The following ST8SIA2 variants were observed in gnomAD, a reference collection of about 807,000 sequenced individuals.
ST8SIA2 encodes alpha-2,8-sialyltransferase 8B.
Under a neutral mutation model 37.6 loss-of-function variants are expected in ST8SIA2, and 22 were observed. The observed-to-expected ratio is 0.58, with a 90% CI of 0.42 to 0.83. The LOEUF (loss-of-function observed/expected upper bound fraction) is 0.83, where lower values mean the gene tolerates loss of function less well. Among genes scored for constraint, ST8SIA2 ranks in the 40% least tolerant of loss-of-function variants. ST8SIA2 has a pLI of 0.00. For missense variants in ST8SIA2, 382 were observed against 484.7 expected (o/e 0.79, Z 1.99); for synonymous variants, 205 against 201.2 (o/e 1.02, Z -0.16).
At chr15:92,461,047 G>A (rs1368066935) in intron 5 of ST8SIA2, among the ~76,000 whole-genome samples, 2 of 152,168 alleles carry the variant, frequency 1.3e-5, no homozygotes, top group African/African-American at 4.8e-5. Flanking sequence ...AGAGAAAGGG[G>A]CATGAAATGG....
chr15:92,403,571 A>T, intron 1 of ST8SIA2, among the ~76,000 whole-genome samples: 1 of 152,162 alleles, frequency 6.6e-6, no homozygotes, highest in East Asian at 1.9e-4. Flanking sequence ...GAGCTTCCCC[A>T]GTTCTAATTT....
chr15:92,443,370 G>A lies in ST8SIA2; in HGVS notation c.549-1266G>A, dbSNP rs184340315. Among the ~76,000 whole-genome samples the A allele has an allele frequency of 3.9e-5, 6 of 152,242 alleles. No homozygotes were observed. In the East Asian group the frequency reaches 7.7e-4, roughly 20 times the overall value. On this transcript the variant is annotated intron_variant, in intron 4 of 5. Coordinates refer to ENST00000268164, the MANE Select transcript of ST8SIA2 (RefSeq NM_006011.4). The stretch of plus-strand genomic sequence containing the variant: ...AAACCCAGGTGTGCACACCCAGGCC[G>A]GGTCTCCCACAAGGAAGTCATCAGG...
chr15:92,453,522 GT>G (rs2049898096), intron 5 of ST8SIA2, among the ~76,000 whole-genome samples: 1 of 152,238 alleles, frequency 6.6e-6, no homozygotes, highest in Non-Finnish European at 1.5e-5. Context: ...CCAACCATCA[GT>G]GGGTGTGTGG....
chr15:92,405,319 C>G (rs2049499976), intron 1 of ST8SIA2, among the ~76,000 whole-genome samples: 1 of 152,134 alleles, frequency 6.6e-6, no homozygotes, highest in South Asian at 2.1e-4. Flanking sequence ...TTGCCAGGGT[C>G]TGGGGAAGGA....
intron 2 of ST8SIA2, 78 bp from the exon 3 acceptor site, chr15:92,434,169 C>T (rs1333441953): frequency 1.2e-6 from 2 of 1,602,570 alleles, no homozygotes; most frequent in East Asian, 4.5e-5. Context: ...CAAGCCCGTG[C>T]AAAAACAAAA....
chr15:92,462,141 G>T (rs2049961862), intron 5 of ST8SIA2, among the ~76,000 whole-genome samples: 1 of 152,190 alleles, frequency 6.6e-6, no homozygotes, highest in African/African-American at 2.4e-5. Context: ...GGAGAATCGT[G>T]TTCACTCCGA....
At chr15:92,460,592 G>T (rs935506368) in intron 5 of ST8SIA2, among the ~76,000 whole-genome samples, 1 of 152,184 alleles carries the variant, frequency 6.6e-6, no homozygotes, top group African/African-American at 2.4e-5. Context: ...AGATGCTGCC[G>T]AGGTGGTCTA....
At chr15:92,418,005 CAG>C (rs1242243352) in intron 1 of ST8SIA2, among the ~76,000 whole-genome samples, 5 of 152,236 alleles carry the variant, frequency 3.3e-5, no homozygotes, top group Admixed American at 2.0e-4. Flanking sequence ...GGGCAGGACG[CAG>C]GGGGCCACTT....
intron 1 of ST8SIA2, among the ~76,000 whole-genome samples, chr15:92,394,514 G>C (rs1337313843): frequency 6.6e-6 from 1 of 152,122 alleles, no homozygotes; most frequent in Non-Finnish European, 1.5e-5. Context: ...GCGGGCGGAG[G>C]GGCCGAGAGT....
intron 5 of ST8SIA2, among the ~76,000 whole-genome samples, chr15:92,459,607 T>G (rs2049943625): frequency 6.6e-6 from 1 of 152,144 alleles, no homozygotes; most frequent in Non-Finnish European, 1.5e-5. Context: ...TGTTGTTTTG[T>G]TTTGTTTTTG....
chr15:92,461,952 C>T (rs926002022), intron 5 of ST8SIA2, among the ~76,000 whole-genome samples: 1 of 152,214 alleles, frequency 6.6e-6, no homozygotes, highest in Non-Finnish European at 1.5e-5. Context: ...TTGCCCTGTT[C>T]TGTGTCTGCC....
intron 5 of ST8SIA2, among the ~76,000 whole-genome samples, chr15:92,448,417 G>A (rs1699773849): frequency 1.3e-5 from 2 of 152,210 alleles, no homozygotes; most frequent in Non-Finnish European, 2.9e-5. Flanking sequence ...GGAATGGGCT[G>A]GGGAGGGATG....
intron 1 of ST8SIA2, among the ~76,000 whole-genome samples, chr15:92,408,677 T>TTTAA (rs1555451198): frequency 1.6e-5 from 2 of 123,080 alleles, no homozygotes; most frequent in African/African-American, 3.4e-5. Flanking sequence ...GTTCCATTTT[T>TTTAA]TTTATTTATT....
intron 1 of ST8SIA2, among the ~76,000 whole-genome samples, chr15:92,409,888 C>G (rs2049537067): frequency 6.6e-6 from 1 of 152,230 alleles, no homozygotes; most frequent in Non-Finnish European, 1.5e-5. Context: ...CTTACAAGCC[C>G]TGTGCTGAGT....
At chr15:92,446,389 T>C (rs953127212) in intron 5 of ST8SIA2, among the ~76,000 whole-genome samples, 1 of 152,224 alleles carries the variant, frequency 6.6e-6, no homozygotes. Context: ...GACCACATAG[T>C]GTCACTTCTA....
At chr15:92,452,344 C>T (rs1441916621) in intron 5 of ST8SIA2, among the ~76,000 whole-genome samples, 9 of 116,896 alleles carry the variant, frequency 7.7e-5, no homozygotes, top group South Asian at 7.6e-4. Context: ...GCATGCACAG[C>T]GTTATGTTTG....
At chr15:92,435,060 A>G (rs915438078) in intron 3 of ST8SIA2, among the ~76,000 whole-genome samples, 16 of 152,240 alleles carry the variant, frequency 1.1e-4, no homozygotes, top group African/African-American at 3.1e-4. Context: ...AGATATAGCC[A>G]TGATTGACCC....
rs2049989838 is a variant in ST8SIA2, at chr15:92,466,082, T to C, written c.*1697T>C. The C allele has an allele frequency of 6.6e-6, 1 of 152,192 alleles. No homozygotes were observed. Among genetic ancestry groups the C allele is most frequent in the Non-Finnish European group, 1.5e-5 (1 of 68,054 alleles). 9.4% of individuals were successfully genotyped at this position (152,192 alleles called of 1,614,324 possible). On this transcript the variant is annotated 3_prime_UTR_variant, in exon 6 of 6. Coordinates refer to ENST00000268164, the MANE Select transcript of ST8SIA2 (RefSeq NM_006011.4). ...GAACAGGACCTTGGCTCTAAATTAA[T>C]GGTTGACCGGAAGGGATTGGAGGCG...
At chr15:92,443,160 G>A (rs1180480031) in intron 4 of ST8SIA2, among the ~76,000 whole-genome samples, 3 of 152,206 alleles carry the variant, frequency 2.0e-5, no homozygotes, top group Non-Finnish European at 4.4e-5. Flanking sequence ...TTCTTCGTTT[G>A]ATGATGACCT....
Sources: allele counts gnomAD v4.1 joint callset (sites outside exome capture counted in the v4.1 genomes callset), GRCh38; gene constraint gnomAD v4.1.1; transcripts MANE v1.5; gene names NCBI Gene and HGNC (gene_info 2026-07-23, HGNC 2026-07-21).